FBXO8: variants seen among roughly 807,000 people sequenced by gnomAD.
FBXO8 encodes the protein F-box only protein 8.
Under a neutral mutation model 33.4 loss-of-function variants are expected in FBXO8, and 15 were observed. The ratio of observed to expected loss-of-function variants is 0.45; its 90% confidence interval spans 0.30 to 0.69. The LOEUF is 0.69. Among genes scored for constraint, FBXO8 ranks in the 30% least tolerant of loss-of-function variants. FBXO8 has a pLI of 0.08. For missense variants in FBXO8, 274 were observed against 380.3 expected, an observed-to-expected ratio of 0.72 and a Z score of 2.32; for synonymous variants, 132 against 131.5, an observed-to-expected ratio of 1.00 and a Z score of -0.02.
rs538121950 is a variant in FBXO8 at position 174,253,072 on chromosome 4, G to C, written c.456+6627C>G. On this transcript the variant is annotated intron_variant, in intron 3 of 5. Transcript: ENST00000393674. The surrounding 1 kb of genome is among the most constrained non-coding windows in gnomAD (Gnocchi z 4.5). ...CGGATGCCATAAAAGCATCCTTCAA[G>C]GTGAATGGAGCTTGGAATAAAGAAT... Among the ~76,000 whole-genome samples, 1 of 152,242 alleles carries C rather than the reference G, an allele frequency of 6.6e-6. No homozygotes were observed. Among genetic ancestry groups the C allele is most frequent in the Admixed American group, 6.5e-5 (1 of 15,294 alleles).
At chr4:174,271,584 A>C (rs1377955231) in intron 1 of FBXO8, among the ~76,000 whole-genome samples, 1 of 152,112 alleles carries the variant, frequency 6.6e-6, no homozygotes, top group Non-Finnish European at 1.5e-5. Flanking sequence ...ACTCAGGCAA[A>C]ATGAAGAAGC....
In FBXO8 at chr4:174,257,897, T is replaced by C. The variant is rs1376018038; in HGVS notation, c.456+1802A>G. Among the ~76,000 whole-genome samples, 1 of 152,026 alleles carries C rather than the reference T, an allele frequency of 6.6e-6. No homozygotes were observed. Among genetic ancestry groups the C allele is most frequent in the Non-Finnish European group, 1.5e-5 (1 of 67,988 alleles). ...GCACCACAATGCCTAGCTAATTTTTTAAAAATTTTTTGTGGAGACAGGACC... is the reference window on the plus strand; with the variant it reads ...GCACCACAATGCCTAGCTAATTTTTCAAAAATTTTTTGTGGAGACAGGACC... On this transcript the variant is annotated intron_variant, in intron 3 of 5. Coordinates refer to ENST00000393674, the MANE Select transcript of FBXO8 (RefSeq NM_012180.3). This position sits in a 1 kb window ranked among gnomAD's most constrained non-coding sequence, Gnocchi z 4.3.
intron 1 of FBXO8, among the ~76,000 whole-genome samples, chr4:174,282,706 G>A (rs753044702): frequency 6.6e-6 from 1 of 151,886 alleles, no homozygotes; most frequent in Non-Finnish European, 1.5e-5. Flanking sequence ...ATTCATTTGT[G>A]GATATACACC....
intron 3 of FBXO8, among the ~76,000 whole-genome samples, chr4:174,250,505 C>T (rs1736261430): frequency 6.6e-6 from 1 of 152,030 alleles, no homozygotes; most frequent in African/African-American, 2.4e-5. Flanking sequence ...CACTTTGATG[C>T]TATATTTAAC....
In FBXO8 at chr4:174,253,655, T is replaced by C. The variant is rs990471878; in HGVS notation, c.456+6044A>G. On this transcript the variant is annotated intron_variant, in intron 3 of 5. Transcript: ENST00000393674. This position sits in a 1 kb window ranked among gnomAD's most constrained non-coding sequence, Gnocchi z 4.5. ...CTGTTTTTCATTTCTTCTAGCATCC[T>C]AGCTGCAGTTGTTGAATTATAAGTC... Among the ~76,000 whole-genome samples, 1 of 152,214 alleles carries C rather than the reference T, an allele frequency of 6.6e-6. No individual in the cohort carries two copies. Among genetic ancestry groups the C allele is most frequent in the Admixed American group, 6.5e-5 (1 of 15,282 alleles).
rs146445956 is a variant in FBXO8 at position 174,272,749 on chromosome 4, C to T, written c.-8-9649G>A. Among the ~76,000 whole-genome samples, 465 of 152,206 alleles carry T rather than the reference C, an allele frequency of 3.1e-3. 1 individual carries two copies. Among genetic ancestry groups the T allele is most frequent in the Middle Eastern group, 0.014 (4 of 294 alleles). ...ACAAAGAATGGAATACTTACAGAAT[C>T]CCAAAGTATCTTCCCACATATCAGT... On this transcript the variant is annotated intron_variant, in intron 1 of 5. Transcript: ENST00000393674. This position sits in a 1 kb window ranked among gnomAD's most constrained non-coding sequence, Gnocchi z 4.7.
In FBXO8 at chr4:174,256,025, A is replaced by G. The variant is rs1579026403; in HGVS notation, c.456+3674T>C. The stretch of plus-strand genomic sequence containing the variant: ...GTACAACAGCGTGCCAGATTATCGT[A>G]CCACAAACTGTGCAGATGTTCTCCC... On this transcript the variant is annotated intron_variant, in intron 3 of 5. Coordinates refer to ENST00000393674, the MANE Select transcript of FBXO8 (RefSeq NM_012180.3). This position sits in a 1 kb window ranked among gnomAD's most constrained non-coding sequence, Gnocchi z 4.6. The G allele has an allele frequency of 2.2e-6, 1 of 454,248 alleles. No homozygotes were observed. The highest frequency in any genetic ancestry group is 1.6e-5 in the South Asian group (1 of 64,170). The allele number at this position is 454,248 out of a possible 1,614,324, so 28.1% of individuals were successfully genotyped here. A position where few individuals can be genotyped will look rare whatever the true frequency, so the allele number is the denominator to read the frequency against.
At position 174,274,046 on chromosome 4, in the gene FBXO8, G is replaced by A. The variant is rs1198340600; in HGVS notation, c.-9+9364C>T. ...ACCCACAAACCATATTCCCAGAACC[G>A]CTGGAGCCCATGGATGACAAAAGCA... On this transcript the variant is annotated intron_variant, in intron 1 of 5. Transcript: ENST00000393674. The surrounding 1 kb of genome is among the most constrained non-coding windows in gnomAD (Gnocchi z 4.0). Among the ~76,000 whole-genome samples, 1 of 152,136 alleles carries A rather than the reference G, an allele frequency of 6.6e-6. No homozygotes were observed. Among genetic ancestry groups the A allele is most frequent in the Non-Finnish European group, 1.5e-5 (1 of 68,024 alleles).
At chr4:174,249,136 C>A (rs1292545836) in intron 3 of FBXO8, among the ~76,000 whole-genome samples, 3 of 151,996 alleles carry the variant, frequency 2.0e-5, no homozygotes, top group African/African-American at 7.2e-5. Flanking sequence ...CCCAAAAGAA[C>A]CACATTAGTG....
intron 1 of FBXO8, among the ~76,000 whole-genome samples, chr4:174,279,451 A>G (rs1278214604): frequency 2.6e-5 from 4 of 152,116 alleles, no homozygotes; most frequent in African/African-American, 7.2e-5. Context: ...TATAGATTCA[A>G]TGTAGCTCCT....
In FBXO8 at chr4:174,270,469, CCTG is replaced by C. The variant is rs1736813079; in HGVS notation, c.-8-7372_-8-7370del. On this transcript the variant is annotated intron_variant, in intron 1 of 5. Transcript: ENST00000393674. The surrounding 1 kb of genome is among the most constrained non-coding windows in gnomAD (Gnocchi z 4.6). ...CCCTATATGATCTGTTGTCCTCCCA[CCTG>C]CTAACATTTCAGTAAAGTTATATCT... Among the ~76,000 whole-genome samples the C allele has an allele frequency of 6.6e-6, 1 of 152,062 alleles. No homozygotes were observed. Among genetic ancestry groups the C allele is most frequent in the South Asian group, 2.1e-4 (1 of 4,826 alleles).
At position 174,256,563 on chromosome 4, in the gene FBXO8, G is replaced by C. The variant is rs1736419534; in HGVS notation, c.456+3136C>G. On this transcript the variant is annotated intron_variant, in intron 3 of 5. Transcript: ENST00000393674. The surrounding 1 kb of genome is among the most constrained non-coding windows in gnomAD (Gnocchi z 4.6). Reference sequence around the variant, plus strand: ...ATTTCAATTTTGAATACTTGACTTGGTAAACAATTAGCCAAGTTAACATTA... The same window carrying C: ...ATTTCAATTTTGAATACTTGACTTGCTAAACAATTAGCCAAGTTAACATTA... 6.6e-6 allele frequency among the ~76,000 whole-genome samples: 1 copy of C among 152,042 alleles called. No homozygotes were observed. Among genetic ancestry groups the C allele is most frequent in the African/African-American group, 2.4e-5 (1 of 41,380 alleles).
rs1182250936 is a variant in FBXO8 at position 174,253,416 on chromosome 4, T to C, written c.456+6283A>G. 6.6e-6 allele frequency among the ~76,000 whole-genome samples: 1 copy of C among 152,118 alleles called. No homozygotes were observed. The highest frequency in any genetic ancestry group is 1.5e-5 in the Non-Finnish European group (1 of 68,024). ...CCTCCCTTTTAAAATTTTGATATGT[T>C]TGCTTAGTAGCAGGAAGACCTAAAC... On this transcript the variant is annotated intron_variant, in intron 3 of 5. Transcript: ENST00000393674. This position sits in a 1 kb window ranked among gnomAD's most constrained non-coding sequence, Gnocchi z 4.5.
chr4:174,261,461 A>G lies in FBXO8; in HGVS notation c.329+1303T>C, dbSNP rs1736559348. Among the ~76,000 whole-genome samples the G allele has an allele frequency of 6.6e-6, 1 of 152,050 alleles. No homozygotes were observed. Among genetic ancestry groups the G allele is most frequent in the Non-Finnish European group, 1.5e-5 (1 of 67,878 alleles). On this transcript the variant is annotated intron_variant, in intron 2 of 5. Transcript: ENST00000393674. The surrounding 1 kb of genome is among the most constrained non-coding windows in gnomAD (Gnocchi z 4.1). ...AAGGCTAGAAATTAAACTTTTAAAA[A>G]AAGTTCAAACAAACAGAAATTAAGT... is the stretch of plus-strand genomic sequence containing the variant.
In FBXO8 at chr4:174,245,336, T is replaced by C. The variant is rs1736136509; in HGVS notation, c.457-4118A>G. Among the ~76,000 whole-genome samples, 1 of 151,858 alleles carries C rather than the reference T, an allele frequency of 6.6e-6. No homozygotes were observed. Among genetic ancestry groups the C allele is most frequent in the Admixed American group, 6.6e-5 (1 of 15,186 alleles). On this transcript the variant is annotated intron_variant, in intron 3 of 5. Transcript: ENST00000393674. The surrounding 1 kb of genome is among the most constrained non-coding windows in gnomAD (Gnocchi z 4.6). ...AGGACGTTTGGATAAGGTTTCCTGC[T>C]AGAGATTAGACTGAAGTATTGTAAG...
chr4:174,241,101 T>G lies in FBXO8; in HGVS notation c.574A>C (p.Arg192=). ...WKKLRIYLDE[R]RDVLDDLVTL... ...TGAAAAGTTAATTTTCGTTTTTACC[T>G]TTCATCAAGATAGATTCTCAGTTTT... Residue 192 remains arginine, a splice_region_variant and synonymous_variant, in exon 4 of 6, where the codon AGG becomes CGG. Coordinates refer to ENST00000393674, the MANE Select transcript of FBXO8 (RefSeq NM_012180.3). This position sits in a 1 kb window ranked among gnomAD's most constrained non-coding sequence, Gnocchi z 4.2. 6.4e-7 allele frequency: 1 copy of G among 1,568,490 alleles called. No individual in the cohort carries two copies. Among genetic ancestry groups the G allele is most frequent in the South Asian group, 1.1e-5 (1 of 87,580 alleles).
At chr4:174,243,694 G>GA (rs1330047721) in intron 3 of FBXO8, among the ~76,000 whole-genome samples, 1 of 151,182 alleles carries the variant, frequency 6.6e-6, no homozygotes, top group Non-Finnish European at 1.5e-5. Flanking sequence ...ATGGTACAGA[G>GA]AAACTCCTAG....
chr4:174,253,228 C>T lies in FBXO8; in HGVS notation c.456+6471G>A, dbSNP rs1736337017. Among the ~76,000 whole-genome samples the T allele has an allele frequency of 1.3e-5, 2 of 152,122 alleles. No homozygotes were observed. Among genetic ancestry groups the T allele is most frequent in the African/African-American group, 4.8e-5 (2 of 41,414 alleles). ...GCCCAGTGTGATTTTTAAAAAATTA[C>T]TTTTATCATAGGATATAGTGCCACT... On this transcript the variant is annotated intron_variant, in intron 3 of 5. Coordinates refer to ENST00000393674, the MANE Select transcript of FBXO8 (RefSeq NM_012180.3). The surrounding 1 kb of genome is among the most constrained non-coding windows in gnomAD (Gnocchi z 4.5).
rs1415010550 is a variant in FBXO8, at chr4:174,253,579, T to C, written c.456+6120A>G. Among the ~76,000 whole-genome samples, 1 of 152,194 alleles carries C rather than the reference T, an allele frequency of 6.6e-6. No homozygotes were observed. The highest frequency in any genetic ancestry group is 1.5e-5 in the Non-Finnish European group (1 of 68,024). On this transcript the variant is annotated intron_variant, in intron 3 of 5. Transcript: ENST00000393674. This position sits in a 1 kb window ranked among gnomAD's most constrained non-coding sequence, Gnocchi z 4.5. ...GAATCACATGTTTTAAGTGTATCACTAGTTAAAATGGCGTTACAGATGCTT... is the reference window on the plus strand; with the variant it reads ...GAATCACATGTTTTAAGTGTATCACCAGTTAAAATGGCGTTACAGATGCTT...
Sources: allele counts gnomAD v4.1 joint callset (sites outside exome capture counted in the v4.1 genomes callset), GRCh38; gene constraint gnomAD v4.1.1; non-coding constraint Gnocchi (gnomAD v3.1); transcripts MANE v1.5; gene names NCBI Gene and HGNC (gene_info 2026-07-23, HGNC 2026-07-21).